STRAP: variants seen among roughly 807,000 people sequenced by gnomAD.
STRAP encodes the protein serine-threonine kinase receptor-associated protein.
Under a neutral mutation model 47.0 loss-of-function variants are expected in STRAP, and 16 were observed. The observed-to-expected ratio is 0.34, with a 90% CI of 0.23 to 0.52. The LOEUF (loss-of-function observed/expected upper bound fraction) is 0.52. STRAP is among the 20% of genes least tolerant of loss of function. The probability of loss-of-function intolerance (pLI) is 0.96; values close to 1 mark genes in which losing one functional copy is unlikely to be tolerated. For synonymous variants in STRAP, 130 were observed against 142.7 expected (o/e 0.91, Z 0.63); for missense variants, 293 against 420.0 (o/e 0.70, Z 2.64).
chr12:15,893,985 G>T lies in STRAP; in HGVS notation c.404-62G>T, dbSNP rs1050322484. Reference sequence around the variant, plus strand: ...GTTTTTAAAAATATATAATTGTTCCGATATTGTTCAGTTTAAAAAATCATA... The same window carrying T: ...GTTTTTAAAAATATATAATTGTTCCTATATTGTTCAGTTTAAAAAATCATA... On this transcript the variant is annotated intron_variant, in intron 4 of 9. Coordinates refer to ENST00000419869, the MANE Select transcript of STRAP (RefSeq NM_007178.4). The T allele has an allele frequency of 3.2e-6, 4 of 1,240,162 alleles. No individual in the cohort carries two copies. The East Asian group carries it at 9.4e-5, about 29-fold the overall frequency. The allele number at this position is 1,240,162 out of a possible 1,614,324, so 76.8% of individuals were successfully genotyped here.
Position 15,882,418 on chromosome 12 carries a change from C to T in STRAP, c.-290C>T, listed in dbSNP as rs1010094181. 2.3e-5 allele frequency: 11 copies of T among 483,716 alleles called. No homozygotes were observed. In the South Asian group the frequency reaches 2.8e-4, roughly 12 times the overall value. 30.0% of individuals were successfully genotyped at this position (483,716 alleles called of 1,614,324 possible). On this transcript the variant is annotated 5_prime_UTR_variant, in exon 1 of 10. It adds an upstream start codon to the 5' untranslated region. Coordinates refer to ENST00000419869, the MANE Select transcript of STRAP (RefSeq NM_007178.4). ...CACTTCCTGCCGATGCCGGTGTGGA[C>T]GCTGTGAATCGTGGCTGGCCCGGTT...
At position 15,889,956 on chromosome 12, in the gene STRAP, G is replaced by A. The variant is rs150796040; in HGVS notation, c.277G>A (p.Glu93Lys). 19 of 1,613,658 alleles carry A rather than the reference G, an allele frequency of 1.2e-5. No homozygotes were observed. The highest frequency in any genetic ancestry group is 1.5e-5 in the Non-Finnish European group (18 of 1,179,830). ...AKVWDAVSGD[E>K]LMTLAHKHIV... ...AGTGTGGGATGCTGTCTCAGGAGAT[G>A]AATTGATGACCCTGGCTCATAAACA... The change falls in exon 3 of 10, where the codon GAA becomes AAA. Residue 93 changes from glutamate (E) to lysine (K), a missense_variant. Around this residue, in one of 5 missense-constraint regions of STRAP, gnomAD observed 152 missense variants for 183.0 expected, o/e 0.83. Transcript: ENST00000419869.
At position 15,903,046 on chromosome 12, in the gene STRAP, T is replaced by G; in HGVS notation, c.*68T>G. Reference sequence around the variant, plus strand: ...AGCAAGCAGAGAAAAGCATCAGCCTTCCAGAGTTACTGTCTGCTTAAGGCA... The same window carrying G: ...AGCAAGCAGAGAAAAGCATCAGCCTGCCAGAGTTACTGTCTGCTTAAGGCA... On this transcript the variant is annotated 3_prime_UTR_variant, in exon 10 of 10. Transcript: ENST00000419869. The G allele has an allele frequency of 1.4e-6, 2 of 1,434,358 alleles. No individual in the cohort carries two copies. Among genetic ancestry groups the G allele is most frequent in the Non-Finnish European group, 1.8e-6 (2 of 1,085,812 alleles). 88.9% of individuals were successfully genotyped at this position (1,434,358 alleles called of 1,614,324 possible).
intron 4 of STRAP, among the ~76,000 whole-genome samples, chr12:15,892,080 A>G (rs1174357938): frequency 1.3e-5 from 2 of 152,200 alleles, no homozygotes; most frequent in Non-Finnish European, 2.9e-5. Flanking sequence ...CTCTTTGTCA[A>G]TTTAAGAAAA....
At position 15,899,884 on chromosome 12, in the gene STRAP, A is replaced by G. The variant is rs1429719298; in HGVS notation, c.776-20A>G. On this transcript the variant is annotated intron_variant, in intron 7 of 9. Coordinates refer to ENST00000419869, the MANE Select transcript of STRAP (RefSeq NM_007178.4). Reference sequence around the variant, plus strand: ...TTAACCTAATAGTTAAAATTATCTAATAGCCCTCTTCTTTTTCAGAATCCT... The same window carrying G: ...TTAACCTAATAGTTAAAATTATCTAGTAGCCCTCTTCTTTTTCAGAATCCT... The G allele has an allele frequency of 6.2e-7, 1 of 1,607,386 alleles. No individual in the cohort carries two copies. Among genetic ancestry groups the G allele is most frequent in the East Asian group, 2.2e-5 (1 of 44,768 alleles).
chr12:15,899,966 T>C lies in STRAP; in HGVS notation c.838T>C (p.Tyr280His), dbSNP rs1465678599. 1 of 1,613,696 alleles carries C rather than the reference T, an allele frequency of 6.2e-7. No homozygotes were observed. Among genetic ancestry groups the C allele is most frequent in the Non-Finnish European group, 8.5e-7 (1 of 1,179,826 alleles). Reference protein sequence around the residue: ...CVRFSPDGELYASGSEDGTLR... With the variant: ...CVRFSPDGELHASGSEDGTLR... The stretch of plus-strand genomic sequence containing the variant: ...GAGATTTAGTCCTGATGGAGAACTC[T>C]ATGCCAGTGGTTCAGAAGATGGAAC... Residue 280 changes from tyrosine (Y) to histidine (H), a missense_variant, in exon 8 of 10, where the codon TAT (tyrosine) becomes CAT (histidine). By Grantham distance (83) the Tyr-to-His change is moderately conservative. Transcript: ENST00000419869.
At position 15,899,962 on chromosome 12, in the gene STRAP, A is replaced by G. The variant is rs1054796992; in HGVS notation, c.834A>G (p.Glu278=). 1 of 1,613,620 alleles carries G rather than the reference A, an allele frequency of 6.2e-7. No homozygotes were observed. Among genetic ancestry groups the G allele is most frequent in the African/African-American group, 1.3e-5 (1 of 74,896 alleles). The change falls in exon 8 of 10, where the codon GAA becomes GAG. Residue 278 remains glutamate (E), a synonymous_variant. Transcript: ENST00000419869. ...IHCVRFSPDG[E]LYASGSEDGT... ...GTGTGAGATTTAGTCCTGATGGAGAACTCTATGCCAGTGGTTCAGAAGATG... is the reference window on the plus strand; with the variant it reads ...GTGTGAGATTTAGTCCTGATGGAGAGCTCTATGCCAGTGGTTCAGAAGATG...
intron 6 of STRAP, among the ~76,000 whole-genome samples, chr12:15,895,764 G>A (rs186344716): frequency 6.6e-6 from 1 of 150,400 alleles, no homozygotes; most frequent in East Asian, 2.0e-4. Flanking sequence ...GGAGGCTGAG[G>A]TGAGTATTCT....
chr12:15,897,544 A>G (rs1948070370), intron 6 of STRAP, among the ~76,000 whole-genome samples: 1 of 152,112 alleles, frequency 6.6e-6, no homozygotes, highest in African/African-American at 2.4e-5. Flanking sequence ...ATGAAACAAT[A>G]CAGGTGAAGT....
chr12:15,895,323 A>C, intron 5 of STRAP, 36 bp from the exon 6 acceptor site: 2 of 1,453,076 alleles, frequency 1.4e-6, no homozygotes, highest in Non-Finnish European at 1.8e-6. Context: ...TTTTTCTTAC[A>C]TGAGTAAACA....
intron 2 of STRAP, among the ~76,000 whole-genome samples, chr12:15,886,074 CCCT>C (rs1221515094): frequency 6.6e-6 from 1 of 151,894 alleles, no homozygotes; most frequent in Non-Finnish European, 1.5e-5. Context: ...TTTTTTTTCC[CCCT>C]CCTCAGTTAA....
intron 7 of STRAP, among the ~76,000 whole-genome samples, chr12:15,898,620 G>T (rs543487337): frequency 1.9e-4 from 29 of 152,268 alleles, no homozygotes; most frequent in African/African-American, 6.5e-4. Flanking sequence ...AAAGGGAAAG[G>T]CATGGGGATT....
At chr12:15,898,066 G>T in intron 7 of STRAP, 48 bp downstream of exon 7, 1 of 1,520,606 alleles carries the variant, frequency 6.6e-7, no homozygotes, top group Non-Finnish European at 8.8e-7. Flanking sequence ...CATATGTTAA[G>T]TCCCAGTAAT....
intron 8 of STRAP, among the ~76,000 whole-genome samples, chr12:15,900,419 A>G (rs1198871506): frequency 6.6e-6 from 1 of 151,696 alleles, no homozygotes; most frequent in Non-Finnish European, 1.5e-5. Context: ...AATCCCAGCT[A>G]CTCAGGAGGC....
At position 15,882,654 on chromosome 12, in the gene STRAP, A is replaced by AT. The variant is rs548829549; in HGVS notation, c.-54_-53insT. On this transcript the variant is annotated 5_prime_UTR_variant, in exon 1 of 10. Transcript: ENST00000419869. ...CCGAGGCACTGCAGCAGAAGAGAGA[A>AT]AAGACAACGACGACCCTCAGCTCGC... is the stretch of plus-strand genomic sequence containing the variant. 137 of 1,485,186 alleles carry AT rather than the reference A, an allele frequency of 9.2e-5. No individual in the cohort carries two copies. Among genetic ancestry groups the AT allele is most frequent in the Non-Finnish European group, 1.2e-4 (135 of 1,087,560 alleles). The allele number at this position is 1,485,186 out of a possible 1,614,324, so 92.0% of individuals were successfully genotyped here.
At chr12:15,891,489 AT>A (rs1418693862) in intron 4 of STRAP, among the ~76,000 whole-genome samples, 1 of 152,246 alleles carries the variant, frequency 6.6e-6, no homozygotes, top group Admixed American at 6.5e-5. Context: ...TCATAAGTGA[AT>A]TAACTAGTTT....
chr12:15,898,787 CTCT>C (rs1204012299), intron 7 of STRAP, among the ~76,000 whole-genome samples: 3 of 152,036 alleles, frequency 2.0e-5, no homozygotes, highest in African/African-American at 7.2e-5. Flanking sequence ...TATAAGCTGT[CTCT>C]TCTTGTTCTT....
At chr12:15,882,908 G>T in intron 1 of STRAP, 89 bp downstream of exon 1, 1 of 1,417,540 alleles carries the variant, frequency 7.1e-7, no homozygotes, top group Non-Finnish European at 9.7e-7. Context: ...AAGCGGTGGT[G>T]TGGTGAGGGG....
At chr12:15,893,141 T>G (rs1172407075) in intron 4 of STRAP, among the ~76,000 whole-genome samples, 7 of 152,182 alleles carry the variant, frequency 4.6e-5, no homozygotes. Context: ...TTTGAAGTTC[T>G]TCGAAAGGAT....
Sources: gnomAD v4.1 joint callset for allele counts (sites outside exome capture counted in the v4.1 genomes callset) on GRCh38, gnomAD v4.1.1 for gene constraint, gnomAD v4.1.1 regional missense constraint, MANE v1.5 for transcripts, NCBI Gene and HGNC (gene_info 2026-07-23, HGNC 2026-07-21) for gene names.